LARGE1: variants seen among roughly 807,000 people sequenced by gnomAD.
LARGE1 encodes the protein xylosyl- and glucuronyltransferase LARGE1.
Under a neutral mutation model 87.6 loss-of-function variants are expected in LARGE1, and 43 were observed. The observed-to-expected ratio is 0.49, with a 90% CI of 0.38 to 0.63. LARGE1 has a LOEUF of 0.63. Among genes scored for constraint, LARGE1 ranks in the 30% least tolerant of loss-of-function variants. LARGE1 has a pLI of 0.00. For missense variants in LARGE1, 802 were observed against 1,000.2 expected (o/e 0.80, Z 2.67); for synonymous variants, 434 against 394.6 (o/e 1.10, Z -1.18).
At chr22:33,665,442 A>G (rs997757009) in intron 2 of LARGE1, among the ~76,000 whole-genome samples, 1 of 152,210 alleles carries the variant, frequency 6.6e-6, no homozygotes. Context: ...AATACAAGCA[A>G]CTTTTGCAAC....
At chr22:33,781,607 T>C (rs1443280884) in intron 1 of LARGE1, among the ~76,000 whole-genome samples, 2 of 152,182 alleles carry the variant, frequency 1.3e-5, no homozygotes, top group African/African-American at 4.8e-5. Flanking sequence ...CCAGCTGTGA[T>C]CACTTAGGAC....
At position 33,304,260 on chromosome 22, in the gene LARGE1, G is replaced by T. The variant is rs1179417972; in HGVS notation, c.1699C>A (p.Leu567Met). 6.2e-7 allele frequency: 1 copy of T among 1,614,284 alleles called. No individual in the cohort carries two copies. The highest frequency in any genetic ancestry group is 1.3e-5 in the African/African-American group (1 of 75,080). Residue 567 changes from leucine (L) to methionine (M), a missense_variant, in exon 12 of 15, where the codon CTG becomes ATG. This residue lies in a region of LARGE1 where 625 missense variants were observed against 841.9 expected (regional missense o/e 0.74). Transcript: ENST00000397394. ...TACTCATAGAGCCCATACATGGGCA[G>T]GAAGTCAATGTCAGACAGGAACATG... Reference protein sequence around the residue: ...PYMFLSDIDFLPMYGLYEYLR... With the variant: ...PYMFLSDIDFMPMYGLYEYLR...
At chr22:33,502,402 T>C (rs1049405799) in intron 6 of LARGE1, among the ~76,000 whole-genome samples, 9 of 151,948 alleles carry the variant, frequency 5.9e-5, no homozygotes, top group African/African-American at 2.2e-4. Context: ...AATTATTTGC[T>C]CTGAAAAGAA....
intron 1 of LARGE1, among the ~76,000 whole-genome samples, chr22:33,854,535 T>C (rs1005825324): frequency 6.6e-6 from 1 of 152,126 alleles, no homozygotes; most frequent in Non-Finnish European, 1.5e-5. Context: ...ACTTGAAGGG[T>C]AACCTTCATA....
chr22:33,462,263 T>C (rs909178793), intron 6 of LARGE1, among the ~76,000 whole-genome samples: 3 of 152,096 alleles, frequency 2.0e-5, no homozygotes, highest in African/African-American at 7.2e-5. Context: ...AGAAAATAAG[T>C]GTCAACCAAG....
intron 2 of LARGE1, among the ~76,000 whole-genome samples, chr22:33,687,649 T>C (rs574029222): frequency 3.9e-5 from 6 of 152,202 alleles, no homozygotes; most frequent in East Asian, 1.9e-4. Context: ...GCAGGTGTTA[T>C]TGACTTCTCA....
At chr22:33,644,632 G>A (rs2080550114) in intron 3 of LARGE1, among the ~76,000 whole-genome samples, 1 of 152,178 alleles carries the variant, frequency 6.6e-6, no homozygotes, top group Non-Finnish European at 1.5e-5. Context: ...CTCTCTGTTT[G>A]CAGATGACAT....
chr22:33,887,084 G>A (rs1290536129), intron 1 of LARGE1, among the ~76,000 whole-genome samples: 1 of 152,182 alleles, frequency 6.6e-6, no homozygotes, highest in Admixed American at 6.5e-5. Context: ...GTGGGGAAGT[G>A]AAGGAAACAG....
chr22:33,481,440 T>C (rs906908835), intron 6 of LARGE1, among the ~76,000 whole-genome samples: 2 of 152,200 alleles, frequency 1.3e-5, no homozygotes, highest in African/African-American at 4.8e-5. Context: ...ATTTTACATA[T>C]CGAAATACTG....
At chr22:33,295,751 A>G (rs903670462) in intron 12 of LARGE1, among the ~76,000 whole-genome samples, 1 of 152,188 alleles carries the variant, frequency 6.6e-6, no homozygotes, top group African/African-American at 2.4e-5. Flanking sequence ...GGACTTGCAA[A>G]TGAGGGAGAC....
At chr22:33,384,056 T>G in intron 8 of LARGE1, 136 bp downstream of exon 8, 1 of 761,408 alleles carries the variant, frequency 1.3e-6, no homozygotes, top group Non-Finnish European at 2.4e-6. Flanking sequence ...CTGGCAAGAA[T>G]AAGGCAGCTG....
intron 11 of LARGE1, among the ~76,000 whole-genome samples, chr22:33,262,199 G>A (rs573459929): frequency 6.6e-6 from 1 of 152,338 alleles, no homozygotes; most frequent in African/African-American, 2.4e-5. Context: ...CTGTTCAGTG[G>A]TGAGTAGAGA....
intron 11 of LARGE1, among the ~76,000 whole-genome samples, chr22:33,235,961 A>T (rs764076439): frequency 6.6e-6 from 1 of 152,222 alleles, no homozygotes; most frequent in Admixed American, 6.5e-5. Context: ...AAATCCAATG[A>T]CTGGTATTCT....
intron 10 of LARGE1, among the ~76,000 whole-genome samples, chr22:33,334,575 G>T (rs1359723242): frequency 6.6e-6 from 1 of 152,134 alleles, no homozygotes; most frequent in Non-Finnish European, 1.5e-5. Context: ...CCCGCCAGTG[G>T]GAATAGCAAG....
At chr22:33,477,045 T>C (rs774350277) in intron 6 of LARGE1, among the ~76,000 whole-genome samples, 3 of 152,170 alleles carry the variant, frequency 2.0e-5, no homozygotes, top group Non-Finnish European at 4.4e-5. Flanking sequence ...GGGAAAAGTT[T>C]CCAAAGAGAT....
chr22:33,522,794 T>G (rs139559567), intron 6 of LARGE1, among the ~76,000 whole-genome samples: 3,744 of 149,672 alleles, frequency 0.025, 122 homozygotes, highest in African/African-American at 0.077. Flanking sequence ...TTGCACCACT[T>G]CACTCCAGCC....
intron 2 of LARGE1, among the ~76,000 whole-genome samples, chr22:33,666,070 G>A (rs545865690): frequency 1.9e-4 from 29 of 152,208 alleles, no homozygotes; most frequent in African/African-American, 5.5e-4. Flanking sequence ...GGAAATAAAG[G>A]TTGTACTTCT....
At chr22:33,544,615 G>C (rs1040564988) in intron 6 of LARGE1, among the ~76,000 whole-genome samples, 1 of 152,094 alleles carries the variant, frequency 6.6e-6, no homozygotes, top group African/African-American at 2.4e-5. Flanking sequence ...CCTGGAGGTG[G>C]AGGTTGCAGT....
At position 33,482,992 on chromosome 22, in the gene LARGE1, G is replaced by A. The variant is rs187721747; in HGVS notation, c.788-50727C>T. 1.1e-4 allele frequency among the ~76,000 whole-genome samples: 17 copies of A among 152,290 alleles called. No individual in the cohort carries two copies. In the East Asian group the frequency reaches 2.3e-3, roughly 21 times the overall value. ...TGCATGCGGGATGGACAGGACTTAC[G>A]TGGCCTGGAAGCAAACCAACCAATG... is the stretch of plus-strand genomic sequence containing the variant. On this transcript the variant is annotated intron_variant, in intron 6 of 14. Transcript: ENST00000397394.
Sources: allele counts gnomAD v4.1 joint callset (sites outside exome capture counted in the v4.1 genomes callset), GRCh38; gene constraint gnomAD v4.1.1; regional missense constraint gnomAD v4.1.1; transcripts MANE v1.5; gene names NCBI Gene and HGNC (gene_info 2026-07-23, HGNC 2026-07-21).